Variants in CAVIN1 observed in about 807,000 individuals in gnomAD.
CAVIN1 encodes the protein caveolae-associated protein 1.
Under a neutral mutation model 24.0 loss-of-function variants are expected in CAVIN1, and 16 were observed. That is an observed-to-expected ratio of 0.67 (90% CI 0.45 to 1.01). CAVIN1 has a LOEUF of 1.01. Ranked by LOEUF, CAVIN1 falls within the 50% of genes least tolerant of loss-of-function variation. The probability of loss-of-function intolerance (pLI) is 0.00; values close to 1 mark genes in which losing one functional copy is unlikely to be tolerated. For synonymous variants in CAVIN1, 256 were observed against 256.4 expected (o/e 1.00, Z 0.02); for missense variants, 510 against 551.7 (o/e 0.92, Z 0.76).
intron 1 of CAVIN1, among the ~76,000 whole-genome samples, chr17:42,405,612 C>T (rs1413426799): frequency 1.3e-5 from 2 of 151,178 alleles, no homozygotes; most frequent in African/African-American, 4.9e-5. Context: ...TCGAGACCAG[C>T]CTGGGCAACA....
chr17:42,422,701 C>G lies in CAVIN1; in HGVS notation c.397G>C (p.Gly133Arg). The change falls in exon 1 of 2, where the codon GGG (glycine) becomes CGG (arginine). Residue 133 changes from glycine (G) to arginine (R), a missense_variant. By Grantham distance (125) the Gly-to-Arg change is moderately radical (BLOSUM62 -2). Coordinates refer to ENST00000357037, the MANE Select transcript of CAVIN1 (RefSeq NM_012232.6). ...TVRGSLERQA[G>R]QIKKLEVNEA... ...TTGACCTCCAGCTTCTTGATCTGCC[C>G]CGCCTGGCGCTCCAGGCTGCCGCGC... is the stretch of plus-strand genomic sequence containing the variant. The G allele has an allele frequency of 6.2e-7, 1 of 1,608,390 alleles. No individual in the cohort carries two copies.
Position 42,405,401 on chromosome 17 carries a change from G to T in CAVIN1, c.472-13C>A, listed in dbSNP as rs369393148. 41 of 1,602,300 alleles carry T rather than the reference G, an allele frequency of 2.6e-5. No individual in the cohort carries two copies. In the African/African-American group the frequency reaches 4.7e-4, roughly 18 times the overall value. ...GCTTCACTTCATCCTAAGGGAAGAG[G>T]AGAAGGGACATGAGAGGCGTCGGAG... On this transcript the variant is annotated splice_polypyrimidine_tract_variant and intron_variant, in intron 1 of 1. Transcript: ENST00000357037.
At chr17:42,406,541 A>T (rs2085447725) in intron 1 of CAVIN1, among the ~76,000 whole-genome samples, 1 of 151,810 alleles carries the variant, frequency 6.6e-6, no homozygotes, top group South Asian at 2.1e-4. Flanking sequence ...CACCTGGCTA[A>T]TTTTTTTGTA....
At chr17:42,412,819 G>A (rs569740654) in intron 1 of CAVIN1, among the ~76,000 whole-genome samples, 1 of 151,674 alleles carries the variant, frequency 6.6e-6, no homozygotes, top group South Asian at 2.1e-4. Context: ...GTTTCACTGT[G>A]TTGGCCAGGC....
chr17:42,412,820 T>C (rs2085487975), intron 1 of CAVIN1, among the ~76,000 whole-genome samples: 1 of 151,828 alleles, frequency 6.6e-6, no homozygotes, highest in African/African-American at 2.4e-5. Context: ...TTTCACTGTG[T>C]TGGCCAGGCT....
rs1420875180 is a variant in CAVIN1 at position 42,422,825 on chromosome 17, G to T, written c.273C>A (p.Gly91=). The T allele has an allele frequency of 6.2e-7, 1 of 1,613,714 alleles. No individual in the cohort carries two copies. The highest frequency in any genetic ancestry group is 1.7e-5 in the Admixed American group (1 of 59,982). The stretch of plus-strand genomic sequence containing the variant: ...GCGCCTTGCCCAGCTTGCTCAGCTC[G>T]CCCTGGATGCTCTGCACTGCGCCCT... ...EMEGAVQSIQ[G]ELSKLGKAHA... Residue 91 remains glycine (G), a synonymous_variant, in exon 1 of 2, where the codon GGC becomes GGA. Transcript: ENST00000357037.
At chr17:42,411,207 A>AAAAAAAAAAAAAAAAAAAAAAAAAAAAAC (rs758609413) in intron 1 of CAVIN1, among the ~76,000 whole-genome samples, 2 of 127,616 alleles carry the variant, frequency 1.6e-5, no homozygotes, top group East Asian at 3.2e-4. Flanking sequence ...AAAAAAAAAA[A>AAAAAAAAAAAAAAAAAAAAAAAAAAAAAC]AACTAAAAGG....
At chr17:42,411,196 A>AAAAAAAAAAAAC (rs1348566272) in intron 1 of CAVIN1, among the ~76,000 whole-genome samples, 6 of 145,720 alleles carry the variant, frequency 4.1e-5, no homozygotes, top group Admixed American at 6.9e-5. Flanking sequence ...ATGTCTCAAA[A>AAAAAAAAAAAAC]AAAAAAAAAA....
At chr17:42,422,518 A>C in intron 1 of CAVIN1, 109 bp downstream of exon 1, 1 of 443,076 alleles carries the variant, frequency 2.3e-6, no homozygotes. Flanking sequence ...CGCCCGGGCC[A>C]GGCTGGGAGG....
chr17:42,404,580 G>T lies in CAVIN1; in HGVS notation c.*107C>A. The stretch of plus-strand genomic sequence containing the variant: ...GAGTTCCTGGAGGTGTGGGGAGGGG[G>T]GCGTGTTTTCAATTTAGAAAAATCT... On this transcript the variant is annotated 3_prime_UTR_variant, in exon 2 of 2. Coordinates refer to ENST00000357037, the MANE Select transcript of CAVIN1 (RefSeq NM_012232.6). The T allele has an allele frequency of 2.8e-6, 2 of 718,638 alleles. No homozygotes were observed. Among genetic ancestry groups the T allele is most frequent in the Non-Finnish European group, 4.2e-6 (2 of 478,000 alleles). 44.5% of individuals were successfully genotyped at this position (718,638 alleles called of 1,614,324 possible).
chr17:42,412,150 A>G, intron 1 of CAVIN1: 1 of 985,286 alleles, frequency 1.0e-6, no homozygotes, highest in Non-Finnish European at 1.2e-6. Context: ...GAGCTCAGGC[A>G]CTGTCTCAGG....
In CAVIN1 at chr17:42,404,582, CGT is replaced by C. The variant is rs1400477778; in HGVS notation, c.*103_*104del. ...GTTCCTGGAGGTGTGGGGAGGGGGG[CGT>C]GTTTTCAATTTAGAAAAATCTCAGC... On this transcript the variant is annotated 3_prime_UTR_variant, in exon 2 of 2. Transcript: ENST00000357037. 2 of 734,856 alleles carry C rather than the reference CGT, an allele frequency of 2.7e-6. No homozygotes were observed. The highest frequency in any genetic ancestry group is 7.8e-5 in the Admixed American group (2 of 25,660). The allele number at this position is 734,856 out of a possible 1,614,324, so 45.5% of individuals were successfully genotyped here.
In CAVIN1 at chr17:42,422,922, T is replaced by A. The variant is rs763744183; in HGVS notation, c.176A>T (p.Asp59Val). ...VNGVLVLSLL[D>V]KIIGAVDQIQ... ...CTGGTCTACGGCCCCGATGATTTTG[T>A]CCAGGAGGCTCAGCACCAGCACGCC... Residue 59 changes from aspartate (D) to valine (V), a missense_variant, in exon 1 of 2, where the codon GAC becomes GTC. Asp to Val is a radical substitution (Grantham distance 152). Transcript: ENST00000357037. The A allele has an allele frequency of 1.2e-6, 2 of 1,614,034 alleles. No individual in the cohort carries two copies. Among genetic ancestry groups the A allele is most frequent in the Non-Finnish European group, 1.7e-6 (2 of 1,179,994 alleles).
At chr17:42,410,868 T>C (rs928701128) in intron 1 of CAVIN1, among the ~76,000 whole-genome samples, 11 of 109,870 alleles carry the variant, frequency 1.0e-4, no homozygotes, top group African/African-American at 4.1e-4. Flanking sequence ...TAATCCAGCC[T>C]GGCGACGGAG....
chr17:42,404,737 T>C lies in CAVIN1; in HGVS notation c.1123A>G (p.Ile375Val). ...SSPDVHALLE[I>V]TEESDAVLVD... ...AGCACGGCGTCCGACTCCTCGGTGA[T>C]CTCCAGCAGCGCGTGCACGTCGGGG... Residue 375 changes from isoleucine (I) to valine (V), a missense_variant, in exon 2 of 2, where the codon ATC becomes GTC. Physicochemically the swap from Ile to Val is conservative, Grantham distance 29. Transcript: ENST00000357037. 2 of 1,505,742 alleles carry C rather than the reference T, an allele frequency of 1.3e-6. No individual in the cohort carries two copies. Among genetic ancestry groups the C allele is most frequent in the Admixed American group, 2.4e-5 (1 of 40,834 alleles). 93.3% of individuals were successfully genotyped at this position (1,505,742 alleles called of 1,614,324 possible).
chr17:42,409,095 T>C (rs118102242), intron 1 of CAVIN1, among the ~76,000 whole-genome samples: 1 of 148,582 alleles, frequency 6.7e-6, no homozygotes, highest in East Asian at 2.0e-4. Flanking sequence ...TCTGGCCATT[T>C]TTGTGTTTTT....
chr17:42,411,026 T>C (rs1402891920), intron 1 of CAVIN1, among the ~76,000 whole-genome samples: 1 of 140,542 alleles, frequency 7.1e-6, no homozygotes, highest in East Asian at 2.1e-4. Flanking sequence ...ACCCCGTCTC[T>C]ACCAAAAAAT....
chr17:42,409,773 C>G (rs1409044484), intron 1 of CAVIN1, among the ~76,000 whole-genome samples: 1 of 151,940 alleles, frequency 6.6e-6, no homozygotes, highest in Non-Finnish European at 1.5e-5. Flanking sequence ...CACCCTTGTC[C>G]CACCCCTACT....
At chr17:42,408,965 A>AT (rs2085461142) in intron 1 of CAVIN1, among the ~76,000 whole-genome samples, 1 of 148,520 alleles carries the variant, frequency 6.7e-6, no homozygotes, top group South Asian at 2.1e-4. Context: ...TAGTTTTTGT[A>AT]TTTTTTGGTA....
Sources: allele counts gnomAD v4.1 joint callset (sites outside exome capture counted in the v4.1 genomes callset), GRCh38; gene constraint gnomAD v4.1.1; transcripts MANE v1.5; gene names NCBI Gene and HGNC (gene_info 2026-07-23, HGNC 2026-07-21).